Variants in RNF150 observed in about 807,000 individuals in gnomAD.
RNF150 encodes the protein ring finger protein 150.
A neutral mutation model predicts 39.3 loss-of-function variants in RNF150; 24 were observed. The ratio of observed to expected loss-of-function variants is 0.61; its 90% CI spans 0.44 to 0.86. The LOEUF (loss-of-function observed/expected upper bound fraction) is 0.86, where lower values mean the gene tolerates loss of function less well. RNF150 is among the 40% of genes least tolerant of loss of function. The pLI is 0.00. For synonymous variants in RNF150, 255 were observed against 227.3 expected, an observed-to-expected ratio of 1.12 and a Z score of -1.10; for missense variants, 502 against 587.8, an observed-to-expected ratio of 0.85 and a Z score of 1.51.
intron 1 of RNF150, among the ~76,000 whole-genome samples, chr4:141,057,414 A>G (rs1398869229): frequency 6.6e-6 from 1 of 152,072 alleles, no homozygotes; most frequent in Non-Finnish European, 1.5e-5. Flanking sequence ...CTTTTAAAAA[A>G]TTAAGTTTTT....
intron 1 of RNF150, among the ~76,000 whole-genome samples, chr4:141,020,178 G>A (rs1274617566): frequency 2.0e-5 from 3 of 151,704 alleles, no homozygotes; most frequent in South Asian, 2.1e-4. Context: ...TTCTCTAACC[G>A]TTTTAGCTTG....
chr4:141,057,932 C>A (rs1041968068), intron 1 of RNF150, among the ~76,000 whole-genome samples: 2 of 152,138 alleles, frequency 1.3e-5, no homozygotes, highest in Non-Finnish European at 2.9e-5. Flanking sequence ...TAATGAAATG[C>A]AACACTGCTT....
intron 1 of RNF150, among the ~76,000 whole-genome samples, chr4:141,083,533 G>T (rs1382899763): frequency 6.6e-6 from 1 of 152,156 alleles, no homozygotes; most frequent in Non-Finnish European, 1.5e-5. Context: ...GAAGTCACAG[G>T]AGGTGTTGAA....
intron 1 of RNF150, among the ~76,000 whole-genome samples, chr4:141,203,630 T>A (rs1728327209): frequency 6.6e-6 from 1 of 151,926 alleles, no homozygotes; most frequent in Non-Finnish European, 1.5e-5. Context: ...TTTCAGGGTC[T>A]TTTTTTGTGT....
At chr4:141,201,177 A>G (rs1335253251) in intron 1 of RNF150, among the ~76,000 whole-genome samples, 3 of 152,098 alleles carry the variant, frequency 2.0e-5, no homozygotes, top group Admixed American at 2.0e-4. Context: ...TGGGACCACC[A>G]ATGTAGGTCC....
chr4:140,985,047 T>G (rs565956341), intron 1 of RNF150, among the ~76,000 whole-genome samples: 1 of 152,248 alleles, frequency 6.6e-6, no homozygotes, highest in East Asian at 1.9e-4. Context: ...AAACCAAGAC[T>G]GTGCCAAAAA....
At chr4:141,062,290 T>C (rs1737264524) in intron 1 of RNF150, among the ~76,000 whole-genome samples, 1 of 152,150 alleles carries the variant, frequency 6.6e-6, no homozygotes, top group African/African-American at 2.4e-5. Context: ...TACATGTCTG[T>C]ATTATACATG....
intron 6 of RNF150, among the ~76,000 whole-genome samples, chr4:140,878,164 G>GTTTTTTTTTTTTTTTT (rs58338048): frequency 2.2e-5 from 2 of 90,498 alleles, no homozygotes; most frequent in African/African-American, 4.0e-5. Flanking sequence ...ATCTCATTGT[G>GTTTTTTTTTTTTTTTT]TTTTTTTTTT....
At chr4:140,946,900 T>A (rs528168902) in intron 4 of RNF150, among the ~76,000 whole-genome samples, 1 of 152,120 alleles carries the variant, frequency 6.6e-6, no homozygotes, top group Non-Finnish European at 1.5e-5. Context: ...TTTACACAGA[T>A]GCAAAAAACA....
intron 5 of RNF150, among the ~76,000 whole-genome samples, chr4:140,914,547 T>C (rs1201211502): frequency 1.3e-5 from 2 of 152,176 alleles, no homozygotes; most frequent in Non-Finnish European, 2.9e-5. Flanking sequence ...ACCAACCTAT[T>C]CCTATGAGGA....
At chr4:141,130,368 G>A (rs1210520409) in intron 1 of RNF150, among the ~76,000 whole-genome samples, 1 of 152,166 alleles carries the variant, frequency 6.6e-6, no homozygotes, top group Non-Finnish European at 1.5e-5. Context: ...GATACAGCAT[G>A]AATACATTTT....
intron 1 of RNF150, among the ~76,000 whole-genome samples, chr4:141,013,820 C>G (rs1050985411): frequency 6.6e-6 from 1 of 152,134 alleles, no homozygotes; most frequent in Non-Finnish European, 1.5e-5. Context: ...AACTTGCTTA[C>G]TTATCTTTTT....
Position 140,929,365 on chromosome 4 carries a change from T to G in RNF150, c.891-3292A>C, listed in dbSNP as rs957922371. ...ACCTCCTCTGGATGCTAAGTTTTTT[T>G]TTTTTTTTTTTTTTTTTTTGAGATG... is the stretch of plus-strand genomic sequence containing the variant. On this transcript the variant is annotated intron_variant, in intron 4 of 6. Transcript: ENST00000515673. Among the ~76,000 whole-genome samples the G allele has an allele frequency of 6.7e-5, 9 of 135,230 alleles. No homozygotes were observed. In the East Asian group the frequency reaches 8.7e-4, roughly 13 times the overall value. The allele number at this position is 135,230 out of a possible 152,430, so 88.7% of individuals were successfully genotyped here.
intron 1 of RNF150, among the ~76,000 whole-genome samples, chr4:141,077,328 T>C (rs1255666251): frequency 1.3e-5 from 2 of 152,156 alleles, no homozygotes; most frequent in Middle Eastern, 3.2e-3. Context: ...GAGTGAACTG[T>C]TGATACAACA....
intron 1 of RNF150, among the ~76,000 whole-genome samples, chr4:140,973,540 GA>G (rs71704831): frequency 1.3e-5 from 2 of 149,780 alleles, no homozygotes; most frequent in South Asian, 2.1e-4. Context: ...CCTCTCATTT[GA>G]AAAAAAAACT....
chr4:140,970,922 G>T (rs1294769524), intron 1 of RNF150, among the ~76,000 whole-genome samples: 1 of 152,036 alleles, frequency 6.6e-6, no homozygotes, highest in Non-Finnish European at 1.5e-5. Context: ...TTACTCTGGT[G>T]TGCTTTAGTC....
chr4:141,151,976 A>G (rs895280946), intron 1 of RNF150, among the ~76,000 whole-genome samples: 7 of 152,118 alleles, frequency 4.6e-5, no homozygotes, highest in Non-Finnish European at 1.0e-4. Context: ...TAGGTCTGCC[A>G]TGTGTTCTTT....
Position 140,865,649 on chromosome 4 carries a change from A to T in RNF150, c.*2612T>A, listed in dbSNP as rs1728677295. 6.6e-6 allele frequency: 1 copy of T among 151,374 alleles called. No homozygotes were observed. Among genetic ancestry groups the T allele is most frequent in the African/African-American group, 2.4e-5 (1 of 40,980 alleles). The allele number at this position is 151,374 out of a possible 1,614,324, so 9.4% of individuals were successfully genotyped here. A position where few individuals can be genotyped will look rare whatever the true frequency, so the allele number is the denominator to read the frequency against. On this transcript the variant is annotated 3_prime_UTR_variant, in exon 7 of 7. Coordinates refer to ENST00000515673, the MANE Select transcript of RNF150 (RefSeq NM_020724.2). ...AATGGCAAAGGCTCAGGGGGTTTGCAGCAGGACCTCCTTGGGGTCAGATCT... is the reference window on the plus strand; with the variant it reads ...AATGGCAAAGGCTCAGGGGGTTTGCTGCAGGACCTCCTTGGGGTCAGATCT...
At chr4:141,028,610 CA>C in intron 1 of RNF150, among the ~76,000 whole-genome samples, 1 of 152,152 alleles carries the variant, frequency 6.6e-6, no homozygotes, top group Non-Finnish European at 1.5e-5. Flanking sequence ...TAGTATGTAT[CA>C]TGTTCTTTAA....
Sources: gnomAD v4.1 joint callset for allele counts (sites outside exome capture counted in the v4.1 genomes callset) on GRCh38, gnomAD v4.1.1 for gene constraint, MANE v1.5 for transcripts, NCBI Gene and HGNC (gene_info 2026-07-23, HGNC 2026-07-21) for gene names.